Variants in GABRG3 observed in about 807,000 individuals in gnomAD.
The protein encoded by GABRG3 is gamma-aminobutyric acid receptor subunit gamma-3.
In GABRG3, 25 loss-of-function variants were observed where a neutral mutation model predicts 48.8. The observed-to-expected ratio is 0.51, with a 90% CI of 0.37 to 0.72. The LOEUF (loss-of-function observed/expected upper bound fraction) is 0.72. GABRG3 is among the 30% of genes least tolerant of loss of function. GABRG3 has a pLI of 0.00. For synonymous variants in GABRG3, 227 were observed against 217.6 expected (o/e 1.04, Z -0.38); for missense variants, 394 against 577.9 (o/e 0.68, Z 3.26).
At chr15:27,001,579 T>A (rs924990463) in intron 2 of GABRG3, among the ~76,000 whole-genome samples, 4 of 152,252 alleles carry the variant, frequency 2.6e-5, no homozygotes, top group African/African-American at 7.2e-5. Context: ...GCAGGAGGAC[T>A]TACTTGCTTT....
chr15:27,243,815 A>C (rs939833372), intron 3 of GABRG3, among the ~76,000 whole-genome samples: 9 of 152,228 alleles, frequency 5.9e-5, no homozygotes, highest in Admixed American at 1.3e-4. Context: ...AATTTTAAGA[A>C]AAAGGACCCC....
chr15:27,140,926 A>C (rs572100566), intron 3 of GABRG3, among the ~76,000 whole-genome samples: 2 of 152,268 alleles, frequency 1.3e-5, no homozygotes, highest in East Asian at 1.9e-4. Flanking sequence ...TTTGTGTGTG[A>C]GAGAGAGCTT....
At chr15:27,116,833 T>TC (rs1897649633) in intron 3 of GABRG3, among the ~76,000 whole-genome samples, 1 of 152,196 alleles carries the variant, frequency 6.6e-6, no homozygotes, top group East Asian at 1.9e-4. Context: ...CATGCCTTCC[T>TC]CCCTGTAAGG....
intron 3 of GABRG3, among the ~76,000 whole-genome samples, chr15:27,112,515 A>G (rs1171268601): frequency 7.1e-6 from 1 of 141,668 alleles, no homozygotes; most frequent in Admixed American, 7.4e-5. Flanking sequence ...ATCTCAGCTT[A>G]CTTCAACCTC....
At position 27,236,869 on chromosome 15, in the gene GABRG3, T is replaced by C. The variant is rs1484992772; in HGVS notation, c.271-89940T>C. Among the ~76,000 whole-genome samples, 3 of 152,232 alleles carry C rather than the reference T, an allele frequency of 2.0e-5. No individual in the cohort carries two copies. The highest frequency in any genetic ancestry group is 4.4e-5 in the Non-Finnish European group (3 of 68,044). ...TATTCGTGATTCCTCCAATAGCTTA[T>C]TGAATATACGTATCCATCCCCCCAC... On this transcript the variant is annotated intron_variant, in intron 3 of 9. Transcript: ENST00000615808. The surrounding 1 kb of genome is among the most constrained non-coding windows in gnomAD (Gnocchi z 4.4).
At chr15:27,217,771 A>G (rs1889311711) in intron 3 of GABRG3, among the ~76,000 whole-genome samples, 1 of 152,200 alleles carries the variant, frequency 6.6e-6, no homozygotes, top group South Asian at 2.1e-4. Flanking sequence ...TAGTGTCAAA[A>G]AGAGGACTTG....
In GABRG3 at chr15:27,256,285, C is replaced by CA. The variant is rs1257928346; in HGVS notation, c.271-70518dup. Reference sequence around the variant, plus strand: ...GTGAAACCCGTCTCTACTAAAAATACAAAAAATTAGCCGGGTGCGATGGAG... The same window carrying CA: ...GTGAAACCCGTCTCTACTAAAAATACAAAAAAATTAGCCGGGTGCGATGGAG... On this transcript the variant is annotated intron_variant, in intron 3 of 9. Transcript: ENST00000615808. Among the ~76,000 whole-genome samples, 7 of 151,766 alleles carry CA rather than the reference C, an allele frequency of 4.6e-5. No homozygotes were observed. The East Asian group carries it at 9.7e-4, about 21-fold the overall frequency.
At chr15:27,147,954 A>G (rs1898239999) in intron 3 of GABRG3, among the ~76,000 whole-genome samples, 1 of 151,980 alleles carries the variant, frequency 6.6e-6, no homozygotes. Flanking sequence ...GAAAAAAGAA[A>G]TAATAAAAAT....
intron 3 of GABRG3, among the ~76,000 whole-genome samples, chr15:27,187,436 G>T (rs192005225): frequency 3.3e-5 from 5 of 152,074 alleles, no homozygotes; most frequent in African/African-American, 1.2e-4. Flanking sequence ...ATCTAATTCT[G>T]TGAAGAAAAT....
At chr15:27,333,850 C>T (rs1893879528) in intron 5 of GABRG3, among the ~76,000 whole-genome samples, 1 of 152,122 alleles carries the variant, frequency 6.6e-6, no homozygotes, top group Non-Finnish European at 1.5e-5. Flanking sequence ...TTATGACAAA[C>T]TGTATTGTTT....
At chr15:27,302,597 A>G (rs1359392359) in intron 3 of GABRG3, among the ~76,000 whole-genome samples, 1 of 152,080 alleles carries the variant, frequency 6.6e-6, no homozygotes, top group Non-Finnish European at 1.5e-5. Context: ...TAGAAAATCA[A>G]CAAAGATATA....
chr15:27,470,298 A>G (rs1459437253), intron 5 of GABRG3, among the ~76,000 whole-genome samples: 2 of 146,532 alleles, frequency 1.4e-5, no homozygotes, highest in Non-Finnish European at 3.0e-5. Flanking sequence ...ATCTTAGCTC[A>G]CTGCAACCTC....
chr15:27,511,569 G>T (rs1220297767), intron 6 of GABRG3, among the ~76,000 whole-genome samples: 3 of 152,204 alleles, frequency 2.0e-5, no homozygotes, highest in Admixed American at 2.0e-4. Context: ...AAAATCCCAG[G>T]AGGTATGATG....
At chr15:27,469,380 G>T (rs559915313) in intron 5 of GABRG3, among the ~76,000 whole-genome samples, 1 of 151,786 alleles carries the variant, frequency 6.6e-6, no homozygotes, top group African/African-American at 2.4e-5. Context: ...TTGCTCTGTC[G>T]CACAGGCTAG....
At position 27,419,643 on chromosome 15, in the gene GABRG3, AGCTTTGT is replaced by A. The variant is rs1186174962; in HGVS notation, c.575-61006_575-61000del. On this transcript the variant is annotated intron_variant, in intron 5 of 9. Coordinates refer to ENST00000615808, the MANE Select transcript of GABRG3 (RefSeq NM_033223.5). The stretch of plus-strand genomic sequence containing the variant: ...GCCAAATCATGAACACCACATGGGC[AGCTTTGT>A]CCACTTAAACATAAAGATGGCCCCA... Among the ~76,000 whole-genome samples, 5 of 152,230 alleles carry A rather than the reference AGCTTTGT, an allele frequency of 3.3e-5. No homozygotes were observed. In the East Asian group the frequency reaches 9.6e-4, roughly 29 times the overall value.
chr15:26,986,030 C>G (rs565366948), intron 2 of GABRG3, among the ~76,000 whole-genome samples: 2 of 151,994 alleles, frequency 1.3e-5, no homozygotes, highest in South Asian at 4.2e-4. Flanking sequence ...GGCTGCCTGC[C>G]GGACCACCCC....
At position 27,235,629 on chromosome 15, in the gene GABRG3, C is replaced by T. The variant is rs553651248; in HGVS notation, c.271-91180C>T. On this transcript the variant is annotated intron_variant, in intron 3 of 9. Coordinates refer to ENST00000615808, the MANE Select transcript of GABRG3 (RefSeq NM_033223.5). Reference sequence around the variant, plus strand: ...GTTCTTAGCTGGGACTGCCTGTAACCAAAGACAGATTAATAAGAGAAAACA... The same window carrying T: ...GTTCTTAGCTGGGACTGCCTGTAACTAAAGACAGATTAATAAGAGAAAACA... 1.1e-4 allele frequency among the ~76,000 whole-genome samples: 17 copies of T among 152,078 alleles called. No homozygotes were observed. In the East Asian group the frequency reaches 3.3e-3, roughly 29 times the overall value.
In GABRG3 at chr15:27,404,895, C is replaced by T. The variant is rs533927356; in HGVS notation, c.575-75755C>T. Reference sequence around the variant, plus strand: ...CATGTTCTTTGTGTAAATGGCATGGCTCTTTCTGCTCTGTCATGCCCCCTA... The same window carrying T: ...CATGTTCTTTGTGTAAATGGCATGGTTCTTTCTGCTCTGTCATGCCCCCTA... On this transcript the variant is annotated intron_variant, in intron 5 of 9. Transcript: ENST00000615808. Among the ~76,000 whole-genome samples, 48 of 152,358 alleles carry T rather than the reference C, an allele frequency of 3.2e-4. No individual in the cohort carries two copies. The South Asian group carries it at 9.9e-3, about 32-fold the overall frequency.
intron 6 of GABRG3, among the ~76,000 whole-genome samples, chr15:27,502,631 A>G (rs1890668632): frequency 6.6e-6 from 1 of 152,228 alleles, no homozygotes; most frequent in Non-Finnish European, 1.5e-5. Flanking sequence ...TTAAGACACC[A>G]GTCCCAAGTC....
Sources: gnomAD v4.1 joint callset for allele counts (sites outside exome capture counted in the v4.1 genomes callset) on GRCh38, gnomAD v4.1.1 for gene constraint, Gnocchi (gnomAD v3.1) non-coding constraint, MANE v1.5 for transcripts, NCBI Gene and HGNC (gene_info 2026-07-23, HGNC 2026-07-21) for gene names.